Variants in TRPM3 observed in about 807,000 individuals in gnomAD.
TRPM3 encodes long transient receptor potential channel 3.
A neutral mutation model predicts 181.2 loss-of-function variants in TRPM3; 77 were observed. The observed-to-expected ratio is 0.42, with a 90% CI of 0.35 to 0.51. The LOEUF (loss-of-function observed/expected upper bound fraction) is 0.51, where lower values mean the gene tolerates loss of function less well. TRPM3 is among the 20% of genes least tolerant of loss of function. The probability of loss-of-function intolerance (pLI) is 0.01; values close to 1 mark genes in which losing one functional copy is unlikely to be tolerated. For missense variants in TRPM3, 1,759 were observed against 2,196.7 expected, an observed-to-expected ratio of 0.80 and a Z score of 3.98; for synonymous variants, 745 against 796.4, an observed-to-expected ratio of 0.94 and a Z score of 1.09.
intron 17 of TRPM3, among the ~76,000 whole-genome samples, chr9:70,617,644 G>A (rs905948906): frequency 6.6e-6 from 1 of 152,136 alleles, no homozygotes; most frequent in Non-Finnish European, 1.5e-5. Flanking sequence ...CTTGACTAGA[G>A]TGACCATTTC....
At chr9:70,942,649 T>C (rs1330225555) in intron 1 of TRPM3, among the ~76,000 whole-genome samples, 1 of 152,212 alleles carries the variant, frequency 6.6e-6, no homozygotes, top group Non-Finnish European at 1.5e-5. Flanking sequence ...TCCACTAGCA[T>C]GGCTCTTCAA....
At chr9:70,797,948 C>G (rs1323678805) in intron 6 of TRPM3, among the ~76,000 whole-genome samples, 1 of 152,236 alleles carries the variant, frequency 6.6e-6, no homozygotes, top group Non-Finnish European at 1.5e-5. Context: ...CCCATCTGTT[C>G]ACTTGTCCAC....
intron 1 of TRPM3, among the ~76,000 whole-genome samples, chr9:71,208,578 G>C (rs1245893213): frequency 6.6e-6 from 1 of 152,154 alleles, no homozygotes; most frequent in African/African-American, 2.4e-5. Context: ...TGTGAGACCA[G>C]CTTCCAAGAG....
chr9:70,888,882 T>C (rs1408002656), intron 1 of TRPM3, among the ~76,000 whole-genome samples: 1 of 152,184 alleles, frequency 6.6e-6, no homozygotes, highest in Admixed American at 6.5e-5. Flanking sequence ...TATCTCGATT[T>C]CTCTCAAGTA....
At chr9:70,752,976 G>T (rs2076449113) in intron 8 of TRPM3, among the ~76,000 whole-genome samples, 1 of 152,052 alleles carries the variant, frequency 6.6e-6, no homozygotes, top group African/African-American at 2.4e-5. Context: ...TGAGTGTGGT[G>T]GTTGGCACTC....
At chr9:71,098,730 G>A (rs1157238450) in intron 1 of TRPM3, among the ~76,000 whole-genome samples, 1 of 152,138 alleles carries the variant, frequency 6.6e-6, no homozygotes, top group Non-Finnish European at 1.5e-5. Context: ...TATAATTGTA[G>A]CATAATTCTC....
At chr9:70,607,794 A>AGTC (rs1451660008) in intron 19 of TRPM3, among the ~76,000 whole-genome samples, 2 of 152,104 alleles carry the variant, frequency 1.3e-5, no homozygotes, top group African/African-American at 4.8e-5. Flanking sequence ...TGCTCTCGGG[A>AGTC]GTCTGTAAAC....
At chr9:70,976,987 G>A (rs1391136854) in intron 1 of TRPM3, among the ~76,000 whole-genome samples, 1 of 152,070 alleles carries the variant, frequency 6.6e-6, no homozygotes, top group African/African-American at 2.4e-5. Context: ...TCTCATTCTG[G>A]GGATTTTATT....
At chr9:71,272,035 G>T (rs1247726918) in intron 1 of TRPM3, among the ~76,000 whole-genome samples, 2 of 152,086 alleles carry the variant, frequency 1.3e-5, no homozygotes, top group Non-Finnish European at 2.9e-5. Flanking sequence ...TAACGGAGGG[G>T]GTATATTTTA....
At chr9:71,336,781 G>C (rs1260144227) in intron 1 of TRPM3, among the ~76,000 whole-genome samples, 1 of 152,022 alleles carries the variant, frequency 6.6e-6, no homozygotes, top group Non-Finnish European at 1.5e-5. Context: ...CAGAACAGAG[G>C]CCTCAGAAAT....
rs141902094 is a variant in TRPM3, at chr9:70,878,834, C to T, written c.178-14323G>A. On this transcript the variant is annotated intron_variant, in intron 1 of 25. Coordinates refer to ENST00000677713, the MANE Select transcript of TRPM3 (RefSeq NM_001366145.2). The stretch of plus-strand genomic sequence containing the variant: ...GAAGTGCTGATTCATAGGCCCCCAA[C>T]GGAAGATCTACTGGATCTGCACCTA... Among the ~76,000 whole-genome samples the T allele has an allele frequency of 1.0e-3, 153 of 152,140 alleles. 1 individual carries two copies. The highest frequency in any genetic ancestry group is 5.0e-4 in the Non-Finnish European group (34 of 67,980).
rs3041716 is a variant in TRPM3, at chr9:71,332,376, G to GGTGTGTGTGTGTGTGTGT, written c.183+114259_183+114276dup. The stretch of plus-strand genomic sequence containing the variant: ...TCTAGGTCAGTGGTTTTCAATGTTG[G>GGTGTGTGTGTGTGTGTGT]GTGTGTGTGTGTGTGTGTGTGTGTG... On this transcript the variant is annotated intron_variant, in intron 1 of 24. Coordinates refer to the TRPM3 transcript ENST00000357533. 2.2e-3 allele frequency among the ~76,000 whole-genome samples: 318 copies of GGTGTGTGTGTGTGTGTGT among 142,314 alleles called. 3 individuals are homozygous for GGTGTGTGTGTGTGTGTGT. Among genetic ancestry groups the GGTGTGTGTGTGTGTGTGT allele is most frequent in the African/African-American group, 7.1e-3 (276 of 39,070 alleles). 93.4% of individuals were successfully genotyped at this position (142,314 alleles called of 152,430 possible).
At chr9:70,913,500 T>C (rs967551381) in intron 1 of TRPM3, among the ~76,000 whole-genome samples, 2 of 152,212 alleles carry the variant, frequency 1.3e-5, no homozygotes, top group Non-Finnish European at 2.9e-5. Flanking sequence ...CACACATTTG[T>C]TTATAATGTC....
chr9:71,332,994 G>A (rs1257438764), intron 1 of TRPM3, among the ~76,000 whole-genome samples: 1 of 151,862 alleles, frequency 6.6e-6, no homozygotes, highest in Non-Finnish European at 1.5e-5. Flanking sequence ...ATAACAATAT[G>A]CTTATATTCA....
At chr9:71,090,998 T>C (rs1293131000) in intron 1 of TRPM3, among the ~76,000 whole-genome samples, 1 of 152,132 alleles carries the variant, frequency 6.6e-6, no homozygotes, top group Non-Finnish European at 1.5e-5. Flanking sequence ...TCCCCCACCA[T>C]TTATTTTTAA....
intron 1 of TRPM3, among the ~76,000 whole-genome samples, chr9:71,127,260 C>T (rs2134434429): frequency 7.4e-6 from 1 of 134,962 alleles, no homozygotes; most frequent in African/African-American, 2.7e-5. Flanking sequence ...AATTAGAATA[C>T]TCAACATAGA....
At chr9:70,887,167 G>A (rs2096101962) in intron 1 of TRPM3, among the ~76,000 whole-genome samples, 1 of 152,152 alleles carries the variant, frequency 6.6e-6, no homozygotes, top group Non-Finnish European at 1.5e-5. Context: ...TTGGGCTACT[G>A]CTTAGAAAGA....
At chr9:71,135,401 CA>C (rs1473549389) in intron 1 of TRPM3, among the ~76,000 whole-genome samples, 1 of 152,118 alleles carries the variant, frequency 6.6e-6, no homozygotes, top group Non-Finnish European at 1.5e-5. Context: ...AGGCTGTACC[CA>C]AAAGTAGCAA....
intron 1 of TRPM3, among the ~76,000 whole-genome samples, chr9:71,234,402 T>C (rs964894105): frequency 3.9e-5 from 6 of 152,178 alleles, no homozygotes; most frequent in Non-Finnish European, 8.8e-5. Flanking sequence ...ACCCCAACTA[T>C]GAAATTCTGA....
Sources: gnomAD v4.1 joint callset for allele counts (sites outside exome capture counted in the v4.1 genomes callset) on GRCh38, gnomAD v4.1.1 for gene constraint, MANE v1.5 for transcripts, NCBI Gene and HGNC (gene_info 2026-07-23, HGNC 2026-07-21) for gene names.